The following KCNIP3 variants were observed in gnomAD, a reference collection of about 807,000 sequenced individuals.
The protein encoded by KCNIP3 is potassium voltage-gated channel interacting protein 3.
Under a neutral mutation model 35.0 loss-of-function variants are expected in KCNIP3, and 28 were observed. That is an observed-to-expected ratio of 0.80 (90% CI 0.59 to 1.10). The LOEUF (loss-of-function observed/expected upper bound fraction) is 1.10. Ranked by LOEUF, KCNIP3 falls within the 50% of genes least tolerant of loss-of-function variation. The pLI, the probability that KCNIP3 is intolerant of heterozygous loss-of-function variation, is 0.00. For missense variants in KCNIP3, 295 were observed against 338.4 expected, an observed-to-expected ratio of 0.87 and a Z score of 1.01; for synonymous variants, 134 against 133.8, an observed-to-expected ratio of 1.00 and a Z score of -0.01.
intron 2 of KCNIP3, among the ~76,000 whole-genome samples, chr2:95,323,130 G>A (rs1454980285): frequency 6.6e-6 from 1 of 152,202 alleles, no homozygotes; most frequent in Admixed American, 6.5e-5. Context: ...GAGGGTCAGC[G>A]GAAGGACGTG....
chr2:95,352,545 G>A (rs1229844496), intron 2 of KCNIP3, among the ~76,000 whole-genome samples: 6 of 151,772 alleles, frequency 4.0e-5, no homozygotes, highest in African/African-American at 9.7e-5. Flanking sequence ...CATGCTCCCC[G>A]ACCAGCCTTC....
At position 95,297,411 on chromosome 2, in the gene KCNIP3, C is replaced by G; in HGVS notation, c.-28C>G. On this transcript the variant is annotated 5_prime_UTR_variant, in exon 1 of 9. Coordinates refer to ENST00000295225, the MANE Select transcript of KCNIP3 (RefSeq NM_013434.5). ...CTGCCTCGGCTGTGAAGTGGGGAGG[C>G]TGGCAACAGTTTTCTTCAGCGCCCA... 6.6e-7 allele frequency: 1 copy of G among 1,510,850 alleles called. No homozygotes were observed. Among genetic ancestry groups the G allele is most frequent in the Non-Finnish European group, 8.9e-7 (1 of 1,122,570 alleles). The allele number at this position is 1,510,850 out of a possible 1,614,324, so 93.6% of individuals were successfully genotyped here.
At chr2:95,325,735 ACT>A (rs758551065) in intron 2 of KCNIP3, among the ~76,000 whole-genome samples, 27 of 151,596 alleles carry the variant, frequency 1.8e-4, no homozygotes, top group Admixed American at 1.3e-3. Context: ...ACACATACAC[ACT>A]CATACACACG....
chr2:95,342,117 G>A (rs1293469891), intron 2 of KCNIP3, among the ~76,000 whole-genome samples: 1 of 152,148 alleles, frequency 6.6e-6, no homozygotes, highest in African/African-American at 2.4e-5. Flanking sequence ...TGAGATGAGA[G>A]AGTGCTGGGC....
At chr2:95,352,755 G>A (rs1202758131) in intron 2 of KCNIP3, among the ~76,000 whole-genome samples, 1 of 152,062 alleles carries the variant, frequency 6.6e-6, no homozygotes. Context: ...CCTGTTGCCA[G>A]TTAGGGGCTG....
intron 2 of KCNIP3, among the ~76,000 whole-genome samples, chr2:95,325,159 C>T (rs892146038): frequency 2.0e-5 from 3 of 152,140 alleles, no homozygotes; most frequent in African/African-American, 7.2e-5. Flanking sequence ...GGTCCACAGG[C>T]CTGGACCCCA....
chr2:95,330,206 C>T (rs3821341), intron 2 of KCNIP3, among the ~76,000 whole-genome samples: 117,358 of 152,168 alleles, frequency 0.77, 45,781 homozygotes, highest in African/African-American at 0.87. Flanking sequence ...GGGGCAGGGA[C>T]CTGGGGCATC....
intron 2 of KCNIP3, among the ~76,000 whole-genome samples, chr2:95,335,374 G>A (rs1679036545): frequency 6.6e-6 from 1 of 152,158 alleles, no homozygotes; most frequent in Admixed American, 6.5e-5. Flanking sequence ...GCCAGTTACT[G>A]TTCTTTGAGC....
intron 1 of KCNIP3, among the ~76,000 whole-genome samples, chr2:95,305,277 T>C (rs1459501231): frequency 1.3e-5 from 2 of 152,226 alleles, no homozygotes; most frequent in African/African-American, 4.8e-5. Flanking sequence ...TTGTGCATGC[T>C]TGCGTTTTTA....
In KCNIP3 at chr2:95,310,455, G is replaced by A. The variant is rs35516857; in HGVS notation, c.116G>A (p.Arg39His). The change falls in exon 2 of 9, where the codon CGC becomes CAC. Residue 39 changes from arginine to histidine, a missense_variant. Physicochemically the swap from Arg to His is conservative, Grantham distance 29 (BLOSUM62 0). Transcript: ENST00000295225. ...GIKWQRPRLS[R>H]QALMRCCLVK... is the part of the protein sequence containing the mutation. ...AAGTGGCAGAGGCCGAGGCTCAGCCGCCAGGCTTTGATGAGATGCTGCCTG... is the reference window on the plus strand; with the variant it reads ...AAGTGGCAGAGGCCGAGGCTCAGCCACCAGGCTTTGATGAGATGCTGCCTG... The A allele has an allele frequency of 3.4e-3, 5,473 of 1,613,884 alleles. 15 individuals carry two copies. Among genetic ancestry groups the A allele is most frequent in the Non-Finnish European group, 4.4e-3 (5,150 of 1,179,966 alleles).
intron 1 of KCNIP3, among the ~76,000 whole-genome samples, chr2:95,304,697 A>C (rs1231879491): frequency 6.6e-6 from 1 of 152,194 alleles, no homozygotes; most frequent in Non-Finnish European, 1.5e-5. Context: ...TTGAGGTTCT[A>C]AGGAACCTCA....
intron 5 of KCNIP3, among the ~76,000 whole-genome samples, chr2:95,379,992 C>T (rs1361157620): frequency 6.6e-6 from 1 of 152,136 alleles, no homozygotes; most frequent in Non-Finnish European, 1.5e-5. Flanking sequence ...TTCCTGATTG[C>T]TCCTACCCAC....
intron 1 of KCNIP3, among the ~76,000 whole-genome samples, chr2:95,306,017 CGTGGTCGGGCTCT>C (rs1678157845): frequency 6.6e-6 from 1 of 152,156 alleles, no homozygotes; most frequent in Non-Finnish European, 1.5e-5. Flanking sequence ...CCAAAAATAC[CGTGGTCGGGCTCT>C]GTGGTAGCGC....
rs544359681 is a variant in KCNIP3 at position 95,381,086 on chromosome 2, G to A, written c.448-510G>A. On this transcript the variant is annotated intron_variant, in intron 5 of 8. Transcript: ENST00000295225. Reference sequence around the variant, plus strand: ...AGCACCTTTGCCATGCAGATGCTTGGCAGAATAAACATAGAGCACCTCCTT... The same window carrying A: ...AGCACCTTTGCCATGCAGATGCTTGACAGAATAAACATAGAGCACCTCCTT... 3.9e-5 allele frequency among the ~76,000 whole-genome samples: 6 copies of A among 152,290 alleles called. No homozygotes were observed. In the East Asian group the frequency reaches 1.2e-3, roughly 29 times the overall value.
At chr2:95,345,422 C>T (rs1573502938) in intron 2 of KCNIP3, among the ~76,000 whole-genome samples, 2 of 152,254 alleles carry the variant, frequency 1.3e-5, no homozygotes, top group East Asian at 3.9e-4. Flanking sequence ...AGCCACGCGC[C>T]GCGGCTCCCA....
intron 1 of KCNIP3, among the ~76,000 whole-genome samples, chr2:95,301,116 C>G (rs1276836587): frequency 1.0e-5 from 1 of 96,562 alleles, no homozygotes; most frequent in African/African-American, 3.2e-5. Context: ...GCACTCTGGA[C>G]AGTGCTCCAG....
intron 2 of KCNIP3, among the ~76,000 whole-genome samples, chr2:95,331,231 G>A (rs1433464050): frequency 6.6e-6 from 1 of 152,170 alleles, no homozygotes; most frequent in Non-Finnish European, 1.5e-5. Context: ...CTGAAGATGG[G>A]ACCGAAAGGA....
chr2:95,347,234 G>T, intron 2 of KCNIP3: 1 of 913,178 alleles, frequency 1.1e-6, no homozygotes. Flanking sequence ...AGCGGCCTGG[G>T]CCGCCGCCCC....
Position 95,297,467 on chromosome 2 carries a change from G to T in KCNIP3, c.15+14G>T. On this transcript the variant is annotated intron_variant, in intron 1 of 8. Coordinates refer to ENST00000295225, the MANE Select transcript of KCNIP3 (RefSeq NM_013434.5). ...CAGCCGGCTAAGGTAGGTGCTGGGG[G>T]AATGGGGTCTTGCTCTGGAGGGGGG... 2 of 1,057,366 alleles carry T rather than the reference G, an allele frequency of 1.9e-6. No homozygotes were observed. Among genetic ancestry groups the T allele is most frequent in the Non-Finnish European group, 2.7e-6 (2 of 733,412 alleles). 65.5% of individuals were successfully genotyped at this position (1,057,366 alleles called of 1,614,324 possible).
Sources: gnomAD v4.1 joint callset for allele counts (sites outside exome capture counted in the v4.1 genomes callset) on GRCh38, gnomAD v4.1.1 for gene constraint, MANE v1.5 for transcripts, NCBI Gene and HGNC (gene_info 2026-07-23, HGNC 2026-07-21) for gene names.